The following KIF13A variants were observed in gnomAD, a reference collection of about 807,000 sequenced individuals.
The protein encoded by KIF13A is kinesin family member 13A.
In KIF13A, 79 loss-of-function variants were observed where a neutral mutation model predicts 212.2. That is an observed-to-expected ratio of 0.37 (90% confidence interval 0.31 to 0.45). The LOEUF (loss-of-function observed/expected upper bound fraction) is 0.45, where lower values mean the gene tolerates loss of function less well. Ranked by LOEUF, KIF13A falls within the 20% of genes least tolerant of loss-of-function variation. The pLI, the probability that KIF13A is intolerant of heterozygous loss-of-function variation, is 1.00. For synonymous variants in KIF13A, 789 were observed against 808.6 expected (o/e 0.98, Z 0.41); for missense variants, 1,901 against 2,209.0 (o/e 0.86, Z 2.79).
chr6:17,914,059 T>C lies in KIF13A; in HGVS notation c.147-15879A>G, dbSNP rs1349499954. ...CCTCCCCTCAACACTTACAAAAGTA[T>C]CAGTCCCTGATGGAATTCAAAAGGA... On this transcript the variant is annotated intron_variant, in intron 2 of 38. Transcript: ENST00000259711. This position sits in a 1 kb window ranked among gnomAD's most constrained non-coding sequence, Gnocchi z 5.9. Among the ~76,000 whole-genome samples, 1 of 152,170 alleles carries C rather than the reference T, an allele frequency of 6.6e-6. No homozygotes were observed. The highest frequency in any genetic ancestry group is 1.9e-4 in the East Asian group (1 of 5,198).
chr6:17,958,327 C>T (rs1778526884), intron 2 of KIF13A, among the ~76,000 whole-genome samples: 2 of 152,206 alleles, frequency 1.3e-5, no homozygotes, highest in South Asian at 4.1e-4. Context: ...CTCTGGCTGT[C>T]CATTCCTCTC....
At chr6:17,802,070 T>C (rs1434600046) in intron 20 of KIF13A, among the ~76,000 whole-genome samples, 1 of 152,160 alleles carries the variant, frequency 6.6e-6, no homozygotes, top group Non-Finnish European at 1.5e-5. Context: ...ATTACACATG[T>C]GTACAAGGTG....
In KIF13A at chr6:17,855,749, T is replaced by G. The variant is rs1768078767; in HGVS notation, c.314-132A>C. 1.4e-6 allele frequency: 1 copy of G among 731,186 alleles called. No homozygotes were observed. Among genetic ancestry groups the G allele is most frequent in the African/African-American group, 1.8e-5 (1 of 56,160 alleles). The allele number at this position is 731,186 out of a possible 1,614,324, so 45.3% of individuals were successfully genotyped here. On this transcript the variant is annotated intron_variant, in intron 5 of 38. Transcript: ENST00000259711. The surrounding 1 kb of genome is among the most constrained non-coding windows in gnomAD (Gnocchi z 4.1). ...GAGTGGCCAACTTAGCCTCAAACCCTGTTGCTCAGGCTGGAGTGCAGTGGT... is the reference window on the plus strand; with the variant it reads ...GAGTGGCCAACTTAGCCTCAAACCCGGTTGCTCAGGCTGGAGTGCAGTGGT...
chr6:17,791,268 G>A (rs1457977291), intron 25 of KIF13A, among the ~76,000 whole-genome samples: 2 of 151,908 alleles, frequency 1.3e-5, no homozygotes, highest in Non-Finnish European at 2.9e-5. Flanking sequence ...AACTATGGAG[G>A]TAGTTCTATT....
rs1768023556 is a variant in KIF13A at position 17,855,122 on chromosome 6, C to T, written c.494+315G>A. Reference sequence around the variant, plus strand: ...TTTTACCCTTAACACATTAGTGCCACTTTCCAATGTAAATGGAAGAACTAA... The same window carrying T: ...TTTTACCCTTAACACATTAGTGCCATTTTCCAATGTAAATGGAAGAACTAA... On this transcript the variant is annotated intron_variant, in intron 6 of 38. Transcript: ENST00000259711. The surrounding 1 kb of genome is among the most constrained non-coding windows in gnomAD (Gnocchi z 4.1). 6.6e-6 allele frequency among the ~76,000 whole-genome samples: 1 copy of T among 152,102 alleles called. No individual in the cohort carries two copies. Among genetic ancestry groups the T allele is most frequent in the Non-Finnish European group, 1.5e-5 (1 of 68,026 alleles).
At chr6:17,810,564 A>C (rs952963085) in intron 17 of KIF13A, among the ~76,000 whole-genome samples, 1 of 152,208 alleles carries the variant, frequency 6.6e-6, no homozygotes, top group African/African-American at 2.4e-5. Flanking sequence ...GGGATGACTC[A>C]AGTGCATTAC....
At chr6:17,979,660 AAAC>A (rs1330163521) in intron 2 of KIF13A, among the ~76,000 whole-genome samples, 2 of 152,102 alleles carry the variant, frequency 1.3e-5, no homozygotes, top group Non-Finnish European at 2.9e-5. Context: ...CAAACAAACA[AAAC>A]AATGTGCTTT....
rs958326448 is a variant in KIF13A, at chr6:17,829,012, A to G, written c.1402-642T>C. Among the ~76,000 whole-genome samples the G allele has an allele frequency of 6.6e-6, 1 of 151,336 alleles. No individual in the cohort carries two copies. The highest frequency in any genetic ancestry group is 1.5e-5 in the Non-Finnish European group (1 of 67,982). ...ACCCAGGCTGGAGTGCAGTGGTGCA[A>G]TCTCAGCTCATTGCAACCTCTGCCT... On this transcript the variant is annotated intron_variant, in intron 13 of 38. Coordinates refer to ENST00000259711, the MANE Select transcript of KIF13A (RefSeq NM_022113.6). The surrounding 1 kb of genome is among the most constrained non-coding windows in gnomAD (Gnocchi z 5.4).
At chr6:17,831,079 A>G in intron 13 of KIF13A, 22 bp downstream of exon 13, 2 of 1,600,000 alleles carry the variant, frequency 1.3e-6, no homozygotes, top group Non-Finnish European at 1.7e-6. Flanking sequence ...TTGATTGCAT[A>G]TGTATTTATA....
In KIF13A at chr6:17,912,874, A is replaced by G. The variant is rs1013951848; in HGVS notation, c.147-14694T>C. Among the ~76,000 whole-genome samples the G allele has an allele frequency of 6.6e-6, 1 of 152,126 alleles. No individual in the cohort carries two copies. Among genetic ancestry groups the G allele is most frequent in the African/African-American group, 2.4e-5 (1 of 41,428 alleles). On this transcript the variant is annotated intron_variant, in intron 2 of 38. Coordinates refer to ENST00000259711, the MANE Select transcript of KIF13A (RefSeq NM_022113.6). The surrounding 1 kb of genome is among the most constrained non-coding windows in gnomAD (Gnocchi z 4.2). Reference sequence around the variant, plus strand: ...GGTAAAAGGAGAATTTGTTGAGAACATATTTCTATAATTTCTCCTTTTCAG... The same window carrying G: ...GGTAAAAGGAGAATTTGTTGAGAACGTATTTCTATAATTTCTCCTTTTCAG...
intron 9 of KIF13A, among the ~76,000 whole-genome samples, chr6:17,840,472 G>C (rs541710592): frequency 6.6e-6 from 1 of 151,830 alleles, no homozygotes; most frequent in African/African-American, 2.4e-5. Flanking sequence ...TCTATGTGTG[G>C]CACATATTAT....
At position 17,860,351 on chromosome 6, in the gene KIF13A, G is replaced by A. The variant is rs143318391; in HGVS notation, c.221-4229C>T. ...TTATAGGGGCCCACCACCAAGTCCA[G>A]CTACTTTTTGTATTTTTAGTAGAGA... On this transcript the variant is annotated intron_variant, in intron 4 of 38. Transcript: ENST00000259711. 7.6e-3 allele frequency among the ~76,000 whole-genome samples: 1,153 copies of A among 151,998 alleles called. 18 individuals carry two copies. Among genetic ancestry groups the A allele is most frequent in the African/African-American group, 0.025 (1,055 of 41,452 alleles).
At chr6:17,827,515 ATTT>A (rs35848228) in intron 14 of KIF13A, among the ~76,000 whole-genome samples, 4 of 142,518 alleles carry the variant, frequency 2.8e-5, no homozygotes, top group Admixed American at 7.0e-5. Context: ...TTCTCTCTAC[ATTT>A]TTTTTTTTTT....
rs1484706144 is a variant in KIF13A, at chr6:17,930,832, A to G, written c.147-32652T>C. Among the ~76,000 whole-genome samples the G allele has an allele frequency of 2.0e-5, 3 of 152,242 alleles. No individual in the cohort carries two copies. In the East Asian group the frequency reaches 5.8e-4, roughly 29 times the overall value. ...CATTGTGAAAATCCAAACTGTTTAC[A>G]GACCAATGTTCCCATTTACAGAATA... is the stretch of plus-strand genomic sequence containing the variant. On this transcript the variant is annotated intron_variant, in intron 2 of 38. Coordinates refer to ENST00000259711, the MANE Select transcript of KIF13A (RefSeq NM_022113.6).
At chr6:17,859,684 G>A (rs1239950055) in intron 4 of KIF13A, among the ~76,000 whole-genome samples, 2 of 144,626 alleles carry the variant, frequency 1.4e-5, no homozygotes, top group African/African-American at 5.0e-5. Flanking sequence ...CACCCAGGGT[G>A]GAGTGCAATG....
intron 25 of KIF13A, among the ~76,000 whole-genome samples, chr6:17,791,671 C>A (rs1283492099): frequency 2.6e-5 from 4 of 151,930 alleles, no homozygotes. Context: ...GAGGACCAGG[C>A]AGGCGGATCA....
intron 33 of KIF13A, 131 bp downstream of exon 33, chr6:17,778,816 T>A (rs2150303240): frequency 9.4e-7 from 1 of 1,063,618 alleles, no homozygotes; most frequent in East Asian, 2.6e-5. Context: ...GCCAGAGTCC[T>A]TTCAATAGAG....
At chr6:17,969,345 G>C (rs1357203656) in intron 2 of KIF13A, among the ~76,000 whole-genome samples, 3 of 152,142 alleles carry the variant, frequency 2.0e-5, no homozygotes, top group Non-Finnish European at 4.4e-5. Flanking sequence ...TTGGGGGCTG[G>C]CCCTTTGCCA....
chr6:17,866,198 A>G (rs1259999710), intron 4 of KIF13A, among the ~76,000 whole-genome samples: 1 of 152,134 alleles, frequency 6.6e-6, no homozygotes, highest in African/African-American at 2.4e-5. Context: ...AGCAGACCCA[A>G]CTCAACATCT....
Sources: allele counts gnomAD v4.1 joint callset (sites outside exome capture counted in the v4.1 genomes callset), GRCh38; gene constraint gnomAD v4.1.1; non-coding constraint Gnocchi (gnomAD v3.1); transcripts MANE v1.5; gene names NCBI Gene and HGNC (gene_info 2026-07-23, HGNC 2026-07-21).